KCNK2: variants seen among roughly 807,000 people sequenced by gnomAD.
The protein encoded by KCNK2 is potassium channel subfamily K member 2.
A neutral mutation model predicts 40.5 loss-of-function variants in KCNK2; 21 were observed. That is an observed-to-expected ratio of 0.52 (90% confidence interval 0.37 to 0.75). The LOEUF (loss-of-function observed/expected upper bound fraction) is 0.75, where lower values mean the gene tolerates loss of function less well. KCNK2 is among the 30% of genes least tolerant of loss of function. The pLI is 0.00. For missense variants in KCNK2, 399 were observed against 531.6 expected (o/e 0.75, Z 2.45); for synonymous variants, 191 against 202.2 (o/e 0.94, Z 0.47).
chr1:215,228,357 C>T (rs1006885943), intron 6 of KCNK2, among the ~76,000 whole-genome samples: 2 of 151,992 alleles, frequency 1.3e-5, no homozygotes, highest in Non-Finnish European at 2.9e-5. Flanking sequence ...GAAGATCCGG[C>T]GAGTTAAGGA....
chr1:215,021,742 G>T (rs1571852140), intron 1 of KCNK2, among the ~76,000 whole-genome samples: 1 of 151,890 alleles, frequency 6.6e-6, no homozygotes, highest in East Asian at 1.9e-4. Flanking sequence ...TAGAGACGGG[G>T]TTTCACCGTG....
chr1:215,196,149 T>C (rs1328376083), intron 6 of KCNK2, among the ~76,000 whole-genome samples: 1 of 151,952 alleles, frequency 6.6e-6, no homozygotes, highest in African/African-American at 2.4e-5. Flanking sequence ...AGTGACATGA[T>C]CTAAGCTCAC....
chr1:215,114,563 C>T (rs961694419), intron 2 of KCNK2, among the ~76,000 whole-genome samples: 2 of 151,862 alleles, frequency 1.3e-5, no homozygotes, highest in Non-Finnish European at 2.9e-5. Flanking sequence ...TTGAGAAAGG[C>T]GGGGGAAACT....
chr1:215,061,208 G>T (rs1658350772), intron 1 of KCNK2, among the ~76,000 whole-genome samples: 1 of 151,952 alleles, frequency 6.6e-6, no homozygotes, highest in Non-Finnish European at 1.5e-5. Flanking sequence ...GAGAATGAAA[G>T]TTCAGTATTA....
At chr1:215,022,130 A>AG (rs1656824658) in intron 1 of KCNK2, among the ~76,000 whole-genome samples, 1 of 17,266 alleles carries the variant, frequency 5.8e-5, no homozygotes, top group African/African-American at 8.2e-5. Flanking sequence ...TATCTATCTA[A>AG]TCATCTATCT....
chr1:215,112,344 T>TA (rs1463843345), intron 2 of KCNK2, among the ~76,000 whole-genome samples: 15 of 151,590 alleles, frequency 9.9e-5, no homozygotes, highest in South Asian at 2.1e-4. Context: ...CTTAAAAAGT[T>TA]AAAAAAATTA....
chr1:215,036,457 A>AT (rs1301731663), intron 1 of KCNK2, among the ~76,000 whole-genome samples: 5 of 137,408 alleles, frequency 3.6e-5, no homozygotes, highest in Non-Finnish European at 3.2e-5. Flanking sequence ...AAGTTTTAAC[A>AT]TTAGTTTAAA....
At chr1:215,006,689 T>G (rs1046141959) in intron 1 of KCNK2, among the ~76,000 whole-genome samples, 1 of 152,104 alleles carries the variant, frequency 6.6e-6, no homozygotes, top group Non-Finnish European at 1.5e-5. Flanking sequence ...TCATATAGTA[T>G]GTACTAAATA....
chr1:215,235,894 AT>A lies in KCNK2; in HGVS notation c.*752del, dbSNP rs1165062399. 6.6e-6 allele frequency: 1 copy of A among 152,630 alleles called. No individual in the cohort carries two copies. Among genetic ancestry groups the A allele is most frequent in the African/African-American group, 2.4e-5 (1 of 41,454 alleles). 9.5% of individuals were successfully genotyped at this position (152,630 alleles called of 1,614,324 possible). A position where few individuals can be genotyped will look rare whatever the true frequency, so the allele number is the denominator to read the frequency against. The stretch of plus-strand genomic sequence containing the variant: ...GCAGAGGTGGCCCCTCTGAGTATTT[AT>A]TTGACTCAGGTACCAGTGGTACATA... On this transcript the variant is annotated 3_prime_UTR_variant, in exon 7 of 7. Coordinates refer to ENST00000444842, the MANE Select transcript of KCNK2 (RefSeq NM_001017425.3).
At chr1:215,093,957 A>T (rs1659867090) in intron 2 of KCNK2, among the ~76,000 whole-genome samples, 1 of 128,962 alleles carries the variant, frequency 7.8e-6, no homozygotes, top group Non-Finnish European at 1.6e-5. Context: ...ATAATATATA[A>T]AATATATAAT....
At chr1:215,145,646 G>C (rs1239172011) in intron 3 of KCNK2, among the ~76,000 whole-genome samples, 13 of 152,108 alleles carry the variant, frequency 8.5e-5, no homozygotes, top group Non-Finnish European at 1.9e-4. Context: ...TGCTATAGTA[G>C]ACTTTTATTT....
intron 3 of KCNK2, among the ~76,000 whole-genome samples, chr1:215,153,695 G>A (rs1662788281): frequency 6.6e-6 from 1 of 151,856 alleles, no homozygotes; most frequent in South Asian, 2.1e-4. Context: ...GTATACGTGT[G>A]CCATGGTGGT....
intron 6 of KCNK2, among the ~76,000 whole-genome samples, chr1:215,200,473 A>G (rs1323398354): frequency 6.6e-6 from 1 of 152,134 alleles, no homozygotes; most frequent in Non-Finnish European, 1.5e-5. Context: ...ATTATTTCTT[A>G]TGGGAGAAGT....
At chr1:215,066,741 C>T (rs951052665) in intron 1 of KCNK2, among the ~76,000 whole-genome samples, 10 of 152,038 alleles carry the variant, frequency 6.6e-5, no homozygotes, top group East Asian at 1.9e-4. Flanking sequence ...TTCTTTGCCT[C>T]GGAATCTTCT....
rs566493470 is a variant in KCNK2, at chr1:215,174,869, C to T, written c.823+2686C>T. Reference sequence around the variant, plus strand: ...TTATCAGCTTAAGGAAATTTTGGGCCGAGACGATGGGGTTTTCTAGATATA... The same window carrying T: ...TTATCAGCTTAAGGAAATTTTGGGCTGAGACGATGGGGTTTTCTAGATATA... On this transcript the variant is annotated intron_variant, in intron 5 of 6. Transcript: ENST00000444842. 1.1e-3 allele frequency among the ~76,000 whole-genome samples: 160 copies of T among 152,026 alleles called. 1 individual carries two copies. Among genetic ancestry groups the T allele is most frequent in the Non-Finnish European group, 2.0e-3 (134 of 67,962 alleles).
chr1:215,183,194 GA>G lies in KCNK2; in HGVS notation c.823+11018del, dbSNP rs561677974. On this transcript the variant is annotated intron_variant, in intron 5 of 6. Coordinates refer to ENST00000444842, the MANE Select transcript of KCNK2 (RefSeq NM_001017425.3). ...CATTAATCATTTTTTCCATCTTGGG[GA>G]AAAAAATGAATCTATTATTATTATT... Among the ~76,000 whole-genome samples the G allele has an allele frequency of 4.6e-5, 7 of 152,080 alleles. No individual in the cohort carries two copies. The South Asian group carries it at 1.0e-3, about 23-fold the overall frequency.
Position 215,204,037 on chromosome 1 carries a change from C to CAAAAAAAAAAAA in KCNK2, c.963+8961_963+8972dup, listed in dbSNP as rs71167813. Among the ~76,000 whole-genome samples the CAAAAAAAAAAAA allele has an allele frequency of 5.5e-4, 29 of 53,186 alleles. 2 individuals carry two copies. Among genetic ancestry groups the CAAAAAAAAAAAA allele is most frequent in the African/African-American group, 2.9e-3 (27 of 9,244 alleles). The allele number at this position is 53,186 out of a possible 152,430, so 34.9% of individuals were successfully genotyped here. ...TGGGCGATAGAGCGAGACTCCGTCT[C>CAAAAAAAAAAAA]AAAAAAAAAAAAAAAAAAAAAAAAA... is the stretch of plus-strand genomic sequence containing the variant. On this transcript the variant is annotated intron_variant, in intron 6 of 6. Coordinates refer to ENST00000444842, the MANE Select transcript of KCNK2 (RefSeq NM_001017425.3).
chr1:215,116,953 A>G (rs558051116), intron 2 of KCNK2, among the ~76,000 whole-genome samples: 2 of 152,082 alleles, frequency 1.3e-5, no homozygotes, highest in Admixed American at 1.3e-4. Context: ...GTACTACTCC[A>G]TTTCTTTTCT....
chr1:215,122,464 C>G (rs980640617), intron 2 of KCNK2, among the ~76,000 whole-genome samples: 1 of 152,036 alleles, frequency 6.6e-6, no homozygotes, highest in African/African-American at 2.4e-5. Context: ...ATAGAATTAG[C>G]TATCTCAAGC....
Sources: gnomAD v4.1 joint callset for allele counts (sites outside exome capture counted in the v4.1 genomes callset) on GRCh38, gnomAD v4.1.1 for gene constraint, MANE v1.5 for transcripts, NCBI Gene and HGNC (gene_info 2026-07-23, HGNC 2026-07-21) for gene names.